Variants in PRP4K observed in about 807,000 individuals in gnomAD.
The protein encoded by PRP4K is serine/threonine-protein kinase PRP4 homolog.
the PRP4K span, chr6:4,049,643 C>A: frequency 2.3e-6 from 3 of 1,312,170 alleles, no homozygotes; most frequent in South Asian, 1.4e-5. Context: ...AGAGATTTAA[C>A]ACAATTTTTA....
the PRP4K span, among the ~76,000 whole-genome samples, chr6:4,053,254 A>G: frequency 1.6e-4 from 24 of 152,178 alleles, no homozygotes; most frequent in Admixed American, 1.4e-3. Context: ...TAGCTCCCTA[A>G]GCTGTGGCTC....
At chr6:4,056,923 G>A in the PRP4K span, 22 of 1,165,100 alleles carry the variant, frequency 1.9e-5, no homozygotes, top group Middle Eastern at 3.0e-4. Flanking sequence ...AAGGCATGAA[G>A]ATTGTGGTTA....
the PRP4K span, chr6:4,044,091 C>G: frequency 6.8e-7 from 1 of 1,463,852 alleles, no homozygotes; most frequent in Non-Finnish European, 9.5e-7. Context: ...TAATAAGAGA[C>G]GTTATTTGGG....
chr6:4,026,971 G>A, the PRP4K span, among the ~76,000 whole-genome samples: 3 of 152,186 alleles, frequency 2.0e-5, no homozygotes, highest in Non-Finnish European at 4.4e-5. Flanking sequence ...CCACGTACCT[G>A]AGATGTGAGT....
At chr6:4,030,181 G>C in the PRP4K span, among the ~76,000 whole-genome samples, 38 of 152,160 alleles carry the variant, frequency 2.5e-4, no homozygotes, top group African/African-American at 8.2e-4. Context: ...GACCTCAGGT[G>C]ATCTGCCCAC....
chr6:4,029,381 T>C, the PRP4K span, among the ~76,000 whole-genome samples: 2 of 147,310 alleles, frequency 1.4e-5, no homozygotes, highest in Non-Finnish European at 3.0e-5. Context: ...TCTTGCTCTG[T>C]CACCCAGGCT....
the PRP4K span, among the ~76,000 whole-genome samples, chr6:4,027,611 G>GGGGGGGT: frequency 1.1e-5 from 1 of 88,742 alleles, no homozygotes; most frequent in Non-Finnish European, 2.4e-5. Flanking sequence ...GGGGGGGTGG[G>GGGGGGGT]GTGGGGGTTG....
chr6:4,056,917 C>A, the PRP4K span: 1 of 1,126,130 alleles, frequency 8.9e-7, no homozygotes, highest in South Asian at 1.6e-5. Flanking sequence ...CAAACTAAGG[C>A]ATGAAGATTG....
chr6:4,052,823 C>A, the PRP4K span: 1 of 1,612,910 alleles, frequency 6.2e-7, no homozygotes, highest in South Asian at 1.1e-5. Context: ...ATTGAAACTC[C>A]TTAAAAGATG....
the PRP4K span, among the ~76,000 whole-genome samples, chr6:4,045,817 CTGTA>C: frequency 6.6e-6 from 1 of 152,148 alleles, no homozygotes; most frequent in South Asian, 2.1e-4. Context: ...TTTGAAATCT[CTGTA>C]TGGTATGCCA....
At chr6:4,021,351 T>C in the PRP4K span, 28 of 1,547,044 alleles carry the variant, frequency 1.8e-5, no homozygotes, top group Non-Finnish European at 2.4e-5. Flanking sequence ...GCTCTTTTCC[T>C]TCTTCCTCCA....
At chr6:4,049,710 A>G in the PRP4K span, 2 of 1,594,252 alleles carry the variant, frequency 1.3e-6, no homozygotes, top group South Asian at 1.1e-5. Flanking sequence ...CAGAATTCTA[A>G]TTTTTCAATT....
chr6:4,043,156 C>A, the PRP4K span, among the ~76,000 whole-genome samples: 1 of 152,150 alleles, frequency 6.6e-6, no homozygotes, highest in African/African-American at 2.4e-5. Context: ...GCTGTGGCAG[C>A]TTACCTAAAC....
the PRP4K span, among the ~76,000 whole-genome samples, chr6:4,057,910 G>A: frequency 1.4e-3 from 207 of 151,980 alleles, no homozygotes; most frequent in African/African-American, 4.6e-3. Context: ...CACCGCACCC[G>A]GCTGTAACTT....
chr6:4,056,728 T>A, the PRP4K span: 1 of 1,518,654 alleles, frequency 6.6e-7, no homozygotes, highest in Non-Finnish European at 8.8e-7. Context: ...GGACCTTTGT[T>A]TTTTCCTGTT....
chr6:4,052,306 CG>C, the PRP4K span, among the ~76,000 whole-genome samples: 9 of 152,216 alleles, frequency 5.9e-5, no homozygotes, highest in East Asian at 1.7e-3. Flanking sequence ...TTGCTCCTCC[CG>C]GAGTACAGTG....
At chr6:4,049,188 TG>T in the PRP4K span, 97,521 of 1,263,902 alleles carry the variant, frequency 0.077, 4,392 homozygotes, top group Middle Eastern at 0.19. Flanking sequence ...CACAGATTAT[TG>T]GAGAACTCTG....
At chr6:4,049,008 A>G in the PRP4K span, 1 of 1,605,948 alleles carries the variant, frequency 6.2e-7, no homozygotes, top group South Asian at 1.1e-5. Flanking sequence ...TTGCCTCTTT[A>G]ATTTCAGAGT....
chr6:4,052,340 C>T, the PRP4K span, among the ~76,000 whole-genome samples: 72 of 152,250 alleles, frequency 4.7e-4, no homozygotes, highest in Middle Eastern at 0.02. Flanking sequence ...CTCGCTGCAA[C>T]CTCCACCTCC....
Sources: allele counts gnomAD v4.1 joint callset (sites outside exome capture counted in the v4.1 genomes callset), GRCh38; gene constraint gnomAD v4.1.1; transcripts MANE v1.5; gene names NCBI Gene and HGNC (gene_info 2026-07-23, HGNC 2026-07-21).